Variants in TARS3 observed in about 807,000 individuals in gnomAD.
The protein encoded by TARS3 is threonine--tRNA ligase 2, cytoplasmic.
TARS3 carries 94 observed loss-of-function variants against 103.5 expected under a neutral mutation model. The observed-to-expected ratio is 0.91, with a 90% confidence interval of 0.77 to 1.08. The LOEUF is 1.08. Ranked by LOEUF, TARS3 falls within the 50% of genes least tolerant of loss-of-function variation. The pLI, the probability that TARS3 is intolerant of heterozygous loss-of-function variation, is 0.00. For missense variants in TARS3, 952 were observed against 995.2 expected (o/e 0.96, Z 0.58); for synonymous variants, 416 against 355.4 (o/e 1.17, Z -1.92).
chr15:101,710,040 T>C (rs1036336236), intron 5 of TARS3, among the ~76,000 whole-genome samples: 3 of 152,212 alleles, frequency 2.0e-5, no homozygotes, highest in African/African-American at 7.2e-5. Flanking sequence ...CACCCCCACC[T>C]GCCTCCTTAG....
Position 101,721,152 on chromosome 15 carries a change from C to A in TARS3, c.540G>T (p.Thr180=). 6.3e-7 allele frequency: 1 copy of A among 1,599,230 alleles called. No homozygotes were observed. Among genetic ancestry groups the A allele is most frequent in the Non-Finnish European group, 8.6e-7 (1 of 1,167,660 alleles). ...TAATTTCAGCAGCCACTTGGTAAGGCGTTGTTTTCCAGACTTCCCCTTGCA... is the reference window on the plus strand; with the variant it reads ...TAATTTCAGCAGCCACTTGGTAAGGAGTTGTTTTCCAGACTTCCCCTTGCA... The part of the protein sequence containing the change: ...QTVQGEVWKT[T]PYQVAAEISQ... The change falls in exon 3 of 19, where the codon ACG becomes ACT. Residue 180 remains threonine, a synonymous_variant. Coordinates refer to ENST00000335968, the MANE Select transcript of TARS3 (RefSeq NM_152334.3).
intron 10 of TARS3, among the ~76,000 whole-genome samples, chr15:101,694,708 A>C (rs1473836917): frequency 6.6e-6 from 1 of 152,260 alleles, no homozygotes; most frequent in Non-Finnish European, 1.5e-5. Context: ...GGATAGGAAA[A>C]GATATATCAT....
intron 10 of TARS3, among the ~76,000 whole-genome samples, chr15:101,693,929 G>T (rs1039670500): frequency 6.6e-6 from 1 of 152,132 alleles, no homozygotes; most frequent in Non-Finnish European, 1.5e-5. Flanking sequence ...GTTTTGAGGG[G>T]TGACGGAACT....
At chr15:101,686,913 A>C (rs1898498336) in intron 10 of TARS3, among the ~76,000 whole-genome samples, 1 of 151,862 alleles carries the variant, frequency 6.6e-6, no homozygotes, top group African/African-American at 2.4e-5. Flanking sequence ...TACTTTGAGC[A>C]CATTTGAAAA....
chr15:101,660,010 A>G (rs757551299), intron 16 of TARS3, among the ~76,000 whole-genome samples: 1 of 152,158 alleles, frequency 6.6e-6, no homozygotes, highest in Non-Finnish European at 1.5e-5. Context: ...CTGCTAATGT[A>G]TAAACATGGC....
chr15:101,656,866 T>C (rs901512466), intron 18 of TARS3, 56 bp downstream of exon 18: 7 of 1,060,212 alleles, frequency 6.6e-6, no homozygotes, highest in Non-Finnish European at 9.9e-6. Context: ...TTTGGTCTTT[T>C]GGAATTGAAG....
rs747103639 is a variant in TARS3 at position 101,654,737 on chromosome 15, A to G, written c.2261-7T>C. On this transcript the variant is annotated splice_polypyrimidine_tract_variant and splice_region_variant and intron_variant, in intron 18 of 18. Coordinates refer to ENST00000335968, the MANE Select transcript of TARS3 (RefSeq NM_152334.3). Reference sequence around the variant, plus strand: ...TTTTCCTTTTCTCCAACCACTGCAGAAAAGAAAGGTAAAGAAATGTATTTT... The same window carrying G: ...TTTTCCTTTTCTCCAACCACTGCAGGAAAGAAAGGTAAAGAAATGTATTTT... The G allele has an allele frequency of 6.2e-7, 1 of 1,612,514 alleles. No homozygotes were observed. Among genetic ancestry groups the G allele is most frequent in the Non-Finnish European group, 8.5e-7 (1 of 1,179,464 alleles).
chr15:101,715,655 C>T (rs1567357910), intron 3 of TARS3, among the ~76,000 whole-genome samples: 1 of 152,116 alleles, frequency 6.6e-6, no homozygotes, highest in East Asian at 2.0e-4. Flanking sequence ...TTCTGTCATG[C>T]CTCAGATTGC....
rs1159392307 is a variant in TARS3 at position 101,654,412 on chromosome 15, AAATT to A, written c.*166_*169del. The A allele has an allele frequency of 1.5e-6, 1 of 668,900 alleles. No individual in the cohort carries two copies. Among genetic ancestry groups the A allele is most frequent in the Non-Finnish European group, 2.4e-6 (1 of 423,832 alleles). 41.4% of individuals were successfully genotyped at this position (668,900 alleles called of 1,614,324 possible). A position where few individuals can be genotyped will look rare whatever the true frequency, so the allele number is the denominator to read the frequency against. ...CTAAACGTCCCCCGTGGACATGAGT[AAATT>A]AAACTTCGTGCATGTCAGCTACACG... On this transcript the variant is annotated 3_prime_UTR_variant, in exon 19 of 19. Coordinates refer to ENST00000335968, the MANE Select transcript of TARS3 (RefSeq NM_152334.3).
At chr15:101,716,568 G>A (rs1305585311) in intron 3 of TARS3, among the ~76,000 whole-genome samples, 1 of 152,130 alleles carries the variant, frequency 6.6e-6, no homozygotes, top group Non-Finnish European at 1.5e-5. Context: ...TAGTCACAGA[G>A]GAACCAATAT....
intron 3 of TARS3, among the ~76,000 whole-genome samples, chr15:101,716,094 G>A (rs1395578670): frequency 1.3e-5 from 2 of 151,394 alleles, no homozygotes; most frequent in Non-Finnish European, 2.9e-5. Flanking sequence ...TTGGCTCACC[G>A]CAACCCCTGC....
At chr15:101,702,514 A>C (rs768130583) in intron 8 of TARS3, 129 bp from the exon 9 acceptor site, 42 of 779,074 alleles carry the variant, frequency 5.4e-5, no homozygotes, top group Non-Finnish European at 8.3e-5. Flanking sequence ...TCATGCCTAT[A>C]ATCCCAGCAC....
At chr15:101,680,912 T>A (rs1898230026) in intron 12 of TARS3, among the ~76,000 whole-genome samples, 1 of 152,218 alleles carries the variant, frequency 6.6e-6, no homozygotes, top group Non-Finnish European at 1.5e-5. Flanking sequence ...CAATTTTTAT[T>A]CTAGAAGTTT....
At chr15:101,674,171 G>A (rs1415773174) in intron 13 of TARS3, among the ~76,000 whole-genome samples, 3 of 152,188 alleles carry the variant, frequency 2.0e-5, no homozygotes, top group African/African-American at 7.2e-5. Flanking sequence ...CCACCTGCTA[G>A]TCACTTGGGA....
intron 3 of TARS3, among the ~76,000 whole-genome samples, chr15:101,716,930 C>T (rs1273288251): frequency 1.4e-5 from 2 of 147,662 alleles, no homozygotes; most frequent in Non-Finnish European, 3.0e-5. Context: ...AATGTCGGCT[C>T]ACTGCAACCT....
intron 6 of TARS3, among the ~76,000 whole-genome samples, chr15:101,706,553 A>C (rs1393291072): frequency 1.3e-5 from 2 of 152,246 alleles, no homozygotes; most frequent in Admixed American, 6.5e-5. Context: ...ATTGGACAGT[A>C]CTGTTCTAGA....
intron 3 of TARS3, among the ~76,000 whole-genome samples, chr15:101,717,545 A>G (rs1900216502): frequency 6.6e-6 from 1 of 152,212 alleles, no homozygotes; most frequent in Admixed American, 6.5e-5. Context: ...TTTGGAGCCA[A>G]TGGATAGAAG....
chr15:101,701,014 T>G (rs1369403307), intron 10 of TARS3, 72 bp downstream of exon 10: 7 of 1,061,054 alleles, frequency 6.6e-6, no homozygotes, highest in Admixed American at 2.7e-5. Flanking sequence ...CTTGACCACT[T>G]TATTATGAGA....
At chr15:101,661,567 G>GA (rs1897378722) in intron 16 of TARS3, 145 bp downstream of exon 16, 3 of 521,984 alleles carry the variant, frequency 5.7e-6, no homozygotes, top group Non-Finnish European at 1.0e-5. Flanking sequence ...TACAAGGCAG[G>GA]AAAGGCCCTT....
Sources: gnomAD v4.1 joint callset for allele counts (sites outside exome capture counted in the v4.1 genomes callset) on GRCh38, gnomAD v4.1.1 for gene constraint, MANE v1.5 for transcripts, NCBI Gene and HGNC (gene_info 2026-07-23, HGNC 2026-07-21) for gene names.